Variants in LRCH1 observed in about 807,000 individuals in gnomAD.
LRCH1 encodes leucine rich repeats and calponin homology domain containing 1.
A neutral mutation model predicts 94.9 loss-of-function variants in LRCH1; 23 were observed. The observed-to-expected ratio is 0.24, with a 90% CI of 0.17 to 0.34. The LOEUF (loss-of-function observed/expected upper bound fraction) is 0.34. Among genes scored for constraint, LRCH1 ranks in the 10% least tolerant of loss-of-function variants. The pLI is 1.00. For missense variants in LRCH1, 790 were observed against 945.9 expected (o/e 0.84, Z 2.16); for synonymous variants, 364 against 354.9 (o/e 1.03, Z -0.29).
At chr13:46,586,495 A>G (rs889432131) in intron 1 of LRCH1, among the ~76,000 whole-genome samples, 2 of 152,156 alleles carry the variant, frequency 1.3e-5, no homozygotes, top group Admixed American at 1.3e-4. Flanking sequence ...AGCTCACTGC[A>G]GCTTCCACTT....
At chr13:46,559,509 G>A (rs560407853) in intron 1 of LRCH1, among the ~76,000 whole-genome samples, 3 of 152,304 alleles carry the variant, frequency 2.0e-5, no homozygotes, top group Admixed American at 6.5e-5. Context: ...ATCTGTAGTG[G>A]TTCTGAATCA....
chr13:46,618,372 G>A (rs185325828), intron 1 of LRCH1, among the ~76,000 whole-genome samples: 7 of 152,238 alleles, frequency 4.6e-5, no homozygotes, highest in African/African-American at 1.4e-4. Flanking sequence ...ATCCATTTAC[G>A]CAACCACCAC....
At chr13:46,602,956 A>T (rs1345221239) in intron 1 of LRCH1, among the ~76,000 whole-genome samples, 1 of 116,300 alleles carries the variant, frequency 8.6e-6, no homozygotes, top group East Asian at 2.4e-4. Flanking sequence ...CAACAAATAC[A>T]TACATGCATA....
chr13:46,711,389 T>G (rs1872053342), intron 13 of LRCH1, among the ~76,000 whole-genome samples: 2 of 152,200 alleles, frequency 1.3e-5, no homozygotes, highest in South Asian at 2.1e-4. Flanking sequence ...CGTGTATTTA[T>G]TGAATGCTCC....
chr13:46,705,239 T>A, intron 12 of LRCH1, 29 bp from the exon 13 acceptor site: 1 of 1,351,744 alleles, frequency 7.4e-7, no homozygotes, highest in Non-Finnish European at 1.0e-6. Flanking sequence ...TCACTTTGTA[T>A]CTTTTTTTTT....
At chr13:46,645,423 T>C (rs888857161) in intron 1 of LRCH1, among the ~76,000 whole-genome samples, 4 of 152,230 alleles carry the variant, frequency 2.6e-5, no homozygotes, top group African/African-American at 7.2e-5. Flanking sequence ...GGTGGGTTTA[T>C]ATTTTATAAC....
intron 1 of LRCH1, among the ~76,000 whole-genome samples, chr13:46,619,778 T>A (rs1594291503): frequency 6.6e-6 from 1 of 152,170 alleles, no homozygotes; most frequent in Non-Finnish European, 1.5e-5. Context: ...GAAGATGGAG[T>A]AAATTGCAAG....
intron 1 of LRCH1, among the ~76,000 whole-genome samples, chr13:46,611,727 G>A (rs1335183186): frequency 6.6e-6 from 1 of 152,126 alleles, no homozygotes; most frequent in African/African-American, 2.4e-5. Context: ...ATTTTAAAAT[G>A]TTGATTATTT....
intron 1 of LRCH1, among the ~76,000 whole-genome samples, chr13:46,625,639 T>TG (rs1392925815): frequency 1.3e-5 from 2 of 149,952 alleles, no homozygotes; most frequent in Non-Finnish European, 3.0e-5. Flanking sequence ...GGGGTTTTTT[T>TG]TTTTTTTTTT....
chr13:46,639,056 G>GTCATTTT (rs1176891580), intron 1 of LRCH1, among the ~76,000 whole-genome samples: 4 of 152,178 alleles, frequency 2.6e-5, no homozygotes, highest in Non-Finnish European at 5.9e-5. Flanking sequence ...TTCTGGTTTG[G>GTCATTTT]TCATTTTTAT....
chr13:46,668,968 T>C, intron 2 of LRCH1, 62 bp from the exon 3 acceptor site: 1 of 1,586,624 alleles, frequency 6.3e-7, no homozygotes, highest in Non-Finnish European at 8.6e-7. Context: ...TAAAAACAGG[T>C]TCACAGACAG....
Position 46,744,697 on chromosome 13 carries a change from G to A in LRCH1, c.*2849G>A. Reference sequence around the variant, plus strand: ...CGAAAACTCATGTAGATGCCTGATTGAGTCATAAGGACAAAAGGGTGTTTT... The same window carrying A: ...CGAAAACTCATGTAGATGCCTGATTAAGTCATAAGGACAAAAGGGTGTTTT... On this transcript the variant is annotated 3_prime_UTR_variant, in exon 20 of 20. Coordinates refer to ENST00000389797, the MANE Select transcript of LRCH1 (RefSeq NM_001164211.2). The A allele has an allele frequency of 1.0e-6, 1 of 985,420 alleles. No individual in the cohort carries two copies. The highest frequency in any genetic ancestry group is 1.2e-6 in the Non-Finnish European group (1 of 829,930). The allele number at this position is 985,420 out of a possible 1,614,324, so 61.0% of individuals were successfully genotyped here.
intron 13 of LRCH1, among the ~76,000 whole-genome samples, chr13:46,706,683 A>G (rs1023057689): frequency 2.0e-5 from 3 of 151,958 alleles, no homozygotes; most frequent in African/African-American, 7.3e-5. Context: ...TTAACTTCTC[A>G]AAGTGCTGAG....
At chr13:46,729,532 C>G (rs1214037597) in intron 18 of LRCH1, among the ~76,000 whole-genome samples, 1 of 121,650 alleles carries the variant, frequency 8.2e-6, no homozygotes, top group East Asian at 2.4e-4. Flanking sequence ...AGCCTGGAGA[C>G]AGAGTGAGAC....
At chr13:46,699,659 A>T (rs1871363753) in intron 10 of LRCH1, among the ~76,000 whole-genome samples, 1 of 152,168 alleles carries the variant, frequency 6.6e-6, no homozygotes, top group South Asian at 2.1e-4. Flanking sequence ...ATTTCAGAGA[A>T]TTAGCTAGAA....
intron 1 of LRCH1, among the ~76,000 whole-genome samples, chr13:46,647,703 T>C (rs1488840554): frequency 6.6e-6 from 1 of 152,190 alleles, no homozygotes; most frequent in Non-Finnish European, 1.5e-5. Context: ...CAACCCATGC[T>C]GTCCTGGTGC....
chr13:46,555,244 T>TA (rs373792274), intron 1 of LRCH1, among the ~76,000 whole-genome samples: 2 of 152,184 alleles, frequency 1.3e-5, no homozygotes, highest in Non-Finnish European at 2.9e-5. Flanking sequence ...ATCACTGACT[T>TA]AAAAAACTAC....
At chr13:46,571,106 T>G (rs1245729207) in intron 1 of LRCH1, among the ~76,000 whole-genome samples, 1 of 152,202 alleles carries the variant, frequency 6.6e-6, no homozygotes, top group Non-Finnish European at 1.5e-5. Flanking sequence ...ATTAAAAAAC[T>G]CATACCTACA....
intron 1 of LRCH1, among the ~76,000 whole-genome samples, chr13:46,626,486 TCTC>T (rs1332201055): frequency 2.0e-5 from 3 of 152,224 alleles, no homozygotes; most frequent in Non-Finnish European, 4.4e-5. Context: ...ACTTTGTAAT[TCTC>T]CTTACCCTTG....
Sources: gnomAD v4.1 joint callset for allele counts (sites outside exome capture counted in the v4.1 genomes callset) on GRCh38, gnomAD v4.1.1 for gene constraint, MANE v1.5 for transcripts, NCBI Gene and HGNC (gene_info 2026-07-23, HGNC 2026-07-21) for gene names.